The following CDKAL1 variants were observed in gnomAD, a reference collection of about 807,000 sequenced individuals.
CDKAL1 encodes the protein CDKAL1 threonylcarbamoyladenosine tRNA methylthiotransferase, also known as threonylcarbamoyladenosine tRNA methylthiotransferase.
CDKAL1 carries 32 observed loss-of-function variants against 68.2 expected under a neutral mutation model. That is an observed-to-expected ratio of 0.47 (90% confidence interval 0.35 to 0.63). The LOEUF (loss-of-function observed/expected upper bound fraction) is 0.63. Ranked by LOEUF, CDKAL1 falls within the 30% of genes least tolerant of loss-of-function variation. CDKAL1 has a pLI of 0.00. For missense variants in CDKAL1, 606 were observed against 696.7 expected, an observed-to-expected ratio of 0.87 and a Z score of 1.47; for synonymous variants, 234 against 244.3, an observed-to-expected ratio of 0.96 and a Z score of 0.39.
intron 5 of CDKAL1, among the ~76,000 whole-genome samples, chr6:20,703,861 T>G (rs1392200565): frequency 2.0e-5 from 3 of 152,164 alleles, no homozygotes; most frequent in African/African-American, 7.2e-5. Flanking sequence ...TACACAAATG[T>G]GTGGATATAG....
intron 13 of CDKAL1, among the ~76,000 whole-genome samples, chr6:21,139,762 C>T (rs1775809311): frequency 6.6e-6 from 1 of 152,184 alleles, no homozygotes; most frequent in African/African-American, 2.4e-5. Flanking sequence ...CCGGCCTCAG[C>T]CCCGCAAAGT....
At chr6:21,088,181 A>G (rs955050958) in intron 12 of CDKAL1, among the ~76,000 whole-genome samples, 5 of 152,182 alleles carry the variant, frequency 3.3e-5, no homozygotes, top group Non-Finnish European at 7.3e-5. Context: ...GCTAGTGACT[A>G]TACTTCATAT....
chr6:21,209,136 G>A (rs772038755), intron 15 of CDKAL1, among the ~76,000 whole-genome samples: 1 of 152,116 alleles, frequency 6.6e-6, no homozygotes, highest in South Asian at 2.1e-4. Context: ...CTCTTTACTC[G>A]TATTACTTCA....
intron 4 of CDKAL1, among the ~76,000 whole-genome samples, chr6:20,560,476 G>C (rs943087006): frequency 3.3e-5 from 5 of 152,086 alleles, no homozygotes; most frequent in African/African-American, 1.2e-4. Flanking sequence ...TGTCCTCTTT[G>C]TCCATAGGAG....
At chr6:20,623,841 G>A (rs1767303373) in intron 4 of CDKAL1, among the ~76,000 whole-genome samples, 2 of 152,000 alleles carry the variant, frequency 1.3e-5, no homozygotes, top group Admixed American at 1.3e-4. Flanking sequence ...GTAATGTTTG[G>A]CCTTGGCTTA....
At chr6:21,154,206 C>A (rs1776540593) in intron 13 of CDKAL1, among the ~76,000 whole-genome samples, 1 of 152,190 alleles carries the variant, frequency 6.6e-6, no homozygotes, top group African/African-American at 2.4e-5. Context: ...CCACACACAT[C>A]ATCCATACTC....
At chr6:20,687,022 C>G (rs1460495142) in intron 5 of CDKAL1, among the ~76,000 whole-genome samples, 3 of 152,126 alleles carry the variant, frequency 2.0e-5, no homozygotes, top group Non-Finnish European at 4.4e-5. Context: ...GTTGAACCAG[C>G]CATGCAATCA....
intron 11 of CDKAL1, among the ~76,000 whole-genome samples, chr6:21,046,589 G>A (rs1314489774): frequency 6.6e-6 from 1 of 152,230 alleles, no homozygotes; most frequent in African/African-American, 2.4e-5. Context: ...CGTGGCGTGA[G>A]ACACAACGGA....
chr6:20,961,879 A>G (rs550247410), intron 10 of CDKAL1, among the ~76,000 whole-genome samples: 1 of 152,348 alleles, frequency 6.6e-6, no homozygotes, highest in South Asian at 2.1e-4. Flanking sequence ...TACATGTATA[A>G]CAAGCCTGCA....
chr6:20,547,330 T>G (rs1474795198), intron 3 of CDKAL1, among the ~76,000 whole-genome samples: 1 of 152,214 alleles, frequency 6.6e-6, no homozygotes, highest in South Asian at 2.1e-4. Flanking sequence ...AGTTGATATG[T>G]AAGTCTGTGT....
At chr6:21,086,346 A>C (rs1424236474) in intron 12 of CDKAL1, among the ~76,000 whole-genome samples, 1 of 152,224 alleles carries the variant, frequency 6.6e-6, no homozygotes, top group African/African-American at 2.4e-5. Flanking sequence ...CTTAATTAAA[A>C]TATAGACTCC....
intron 9 of CDKAL1, among the ~76,000 whole-genome samples, chr6:20,904,771 A>G (rs1187136981): frequency 2.0e-5 from 3 of 148,728 alleles, no homozygotes; most frequent in African/African-American, 7.5e-5. Flanking sequence ...CCTGGGCAAC[A>G]AGAGCAAAAC....
rs145685920 is a variant in CDKAL1 at position 21,207,725 on chromosome 6, C to T, written c.1548+6451C>T. Among the ~76,000 whole-genome samples the T allele has an allele frequency of 9.1e-4, 138 of 152,248 alleles. 1 individual carries two copies. Among genetic ancestry groups the T allele is most frequent in the African/African-American group, 3.2e-3 (133 of 41,548 alleles). ...AGTACTACCTGCTTCATAGGATATA[C>T]ATGGAAATGGCTTAGCAGTCAATAA... is the stretch of plus-strand genomic sequence containing the variant. On this transcript the variant is annotated intron_variant, in intron 15 of 15. Coordinates refer to ENST00000274695, the MANE Select transcript of CDKAL1 (RefSeq NM_017774.3).
intron 11 of CDKAL1, among the ~76,000 whole-genome samples, chr6:21,016,219 C>A (rs562907229): frequency 6.6e-6 from 1 of 151,508 alleles, no homozygotes; most frequent in South Asian, 2.1e-4. Flanking sequence ...CCTAATGAAC[C>A]CCCTTGATGT....
chr6:20,834,054 T>G (rs944643415), intron 8 of CDKAL1, among the ~76,000 whole-genome samples: 3 of 152,206 alleles, frequency 2.0e-5, no homozygotes, highest in African/African-American at 7.2e-5. Flanking sequence ...ATCATTGACA[T>G]AGACATTCAG....
intron 13 of CDKAL1, among the ~76,000 whole-genome samples, chr6:21,190,429 G>A (rs1380831611): frequency 6.6e-6 from 1 of 151,594 alleles, no homozygotes; most frequent in African/African-American, 2.4e-5. Flanking sequence ...GTGCAATGGC[G>A]TGATCTCAGC....
chr6:20,933,942 T>C (rs1384928410), intron 9 of CDKAL1, among the ~76,000 whole-genome samples: 1 of 150,104 alleles, frequency 6.7e-6, no homozygotes, highest in East Asian at 2.0e-4. Context: ...TTTTTTTAAA[T>C]AGTAAAAGGT....
chr6:21,191,482 C>T (rs1378986333), intron 13 of CDKAL1, among the ~76,000 whole-genome samples: 3 of 152,198 alleles, frequency 2.0e-5, no homozygotes, highest in Non-Finnish European at 4.4e-5. Flanking sequence ...ACAGACGTTT[C>T]TCTGCTCAAG....
chr6:21,103,607 A>G (rs912040115), intron 12 of CDKAL1, among the ~76,000 whole-genome samples: 2 of 152,190 alleles, frequency 1.3e-5, no homozygotes, highest in African/African-American at 4.8e-5. Flanking sequence ...AGCCCGCAAA[A>G]AATGCAGGAC....
Sources: gnomAD v4.1 joint callset for allele counts (sites outside exome capture counted in the v4.1 genomes callset) on GRCh38, gnomAD v4.1.1 for gene constraint, MANE v1.5 for transcripts, NCBI Gene and HGNC (gene_info 2026-07-23, HGNC 2026-07-21) for gene names.